The following ABI1 variants were observed in gnomAD, a reference collection of about 807,000 sequenced individuals.
ABI1 encodes Abelson interactor 1.
ABI1 carries 14 observed loss-of-function variants against 54.6 expected under a neutral mutation model. That is an observed-to-expected ratio of 0.26 (90% confidence interval 0.17 to 0.40). The LOEUF (loss-of-function observed/expected upper bound fraction) is 0.40, where lower values mean the gene tolerates loss of function less well. Ranked by LOEUF, ABI1 falls within the 10% of genes least tolerant of loss-of-function variation. The pLI is 1.00. For synonymous variants in ABI1, 194 were observed against 209.3 expected (o/e 0.93, Z 0.63); for missense variants, 443 against 598.3 (o/e 0.74, Z 2.71).
chr10:26,820,423 C>T (rs2047894290), intron 2 of ABI1, among the ~76,000 whole-genome samples: 1 of 151,948 alleles, frequency 6.6e-6, no homozygotes, highest in East Asian at 1.9e-4. Flanking sequence ...GAAAAATCAA[C>T]AGCAGAAATA....
intron 3 of ABI1, chr10:26,776,496 C>T (rs1042583281): frequency 1.3e-5 from 2 of 152,302 alleles, no homozygotes; most frequent in African/African-American, 4.8e-5. Context: ...TGACACACTA[C>T]AGGTATCCTT....
chr10:26,778,368 T>A (rs1841688093), intron 2 of ABI1, among the ~76,000 whole-genome samples: 1 of 152,054 alleles, frequency 6.6e-6, no homozygotes, highest in Non-Finnish European at 1.5e-5. Flanking sequence ...ACCTCTGCAT[T>A]TTAAGAAGAT....
chr10:26,845,672 TACC>T (rs1331816497), intron 1 of ABI1, among the ~76,000 whole-genome samples: 5 of 152,158 alleles, frequency 3.3e-5, no homozygotes, highest in African/African-American at 1.2e-4. Flanking sequence ...ATAGACATCA[TACC>T]ACCACATCAT....
rs182439596 is a variant in ABI1, at chr10:26,775,677, A to G, written c.462+1388T>C. Among the ~76,000 whole-genome samples the G allele has an allele frequency of 3.4e-3, 511 of 152,314 alleles. 5 individuals are homozygous for G. The highest frequency in any genetic ancestry group is 0.012 in the African/African-American group (479 of 41,574). ...CTTGTAAAATTTGGATTCATCTTAT[A>G]CTCAGCTAAGTACTATGTTTTGAAA... On this transcript the variant is annotated intron_variant, in intron 3 of 10. Transcript: ENST00000376140.
chr10:26,772,148 T>A (rs1840771883), intron 3 of ABI1, among the ~76,000 whole-genome samples: 1 of 152,090 alleles, frequency 6.6e-6, no homozygotes, highest in Non-Finnish European at 1.5e-5. Flanking sequence ...TTGGTACACT[T>A]CAATATTTGT....
At chr10:26,852,123 C>T (rs1160930367) in intron 1 of ABI1, among the ~76,000 whole-genome samples, 1 of 151,938 alleles carries the variant, frequency 6.6e-6, no homozygotes, top group South Asian at 2.1e-4. Flanking sequence ...GAGACCCCAA[C>T]CCTCATAAAA....
At chr10:26,771,501 T>C (rs1017369006) in intron 3 of ABI1, among the ~76,000 whole-genome samples, 1 of 152,188 alleles carries the variant, frequency 6.6e-6, no homozygotes, top group Non-Finnish European at 1.5e-5. Context: ...TACTGGATAA[T>C]GAATGTCCAA....
chr10:26,787,878 A>AC (rs1842902584), intron 2 of ABI1, among the ~76,000 whole-genome samples: 1 of 151,618 alleles, frequency 6.6e-6, no homozygotes, highest in Non-Finnish European at 1.5e-5. Flanking sequence ...AAAAAAAAAA[A>AC]GCGTGCAATC....
At chr10:26,838,431 G>T (rs916548104) in intron 1 of ABI1, among the ~76,000 whole-genome samples, 3 of 152,162 alleles carry the variant, frequency 2.0e-5, no homozygotes, top group African/African-American at 7.2e-5. Context: ...AGAGGACAGG[G>T]TTCCAAGCAG....
chr10:26,822,884 T>C (rs575110466), intron 2 of ABI1, among the ~76,000 whole-genome samples: 6 of 152,352 alleles, frequency 3.9e-5, no homozygotes, highest in Admixed American at 3.9e-4. Flanking sequence ...GTGACAGTTG[T>C]ACAATGTGAA....
chr10:26,807,327 T>C (rs778737921), intron 2 of ABI1, among the ~76,000 whole-genome samples: 25 of 151,970 alleles, frequency 1.6e-4, no homozygotes, highest in Non-Finnish European at 2.5e-4. Flanking sequence ...TACGAAAAAT[T>C]AGCCAGGTGT....
intron 7 of ABI1, among the ~76,000 whole-genome samples, chr10:26,763,326 T>C (rs1839475670): frequency 1.3e-5 from 2 of 152,230 alleles, no homozygotes. Flanking sequence ...TTAAAATTCC[T>C]TATATGCTCA....
intron 1 of ABI1, among the ~76,000 whole-genome samples, chr10:26,854,626 TA>T (rs2050671104): frequency 6.6e-6 from 1 of 152,212 alleles, no homozygotes; most frequent in Non-Finnish European, 1.5e-5. Flanking sequence ...AACCTTCTGT[TA>T]AATACATTTA....
At chr10:26,829,483 A>G (rs1052801299) in intron 1 of ABI1, among the ~76,000 whole-genome samples, 3 of 152,206 alleles carry the variant, frequency 2.0e-5, no homozygotes, top group Non-Finnish European at 2.9e-5. Flanking sequence ...CTCACCACAA[A>G]AAGAAACTTT....
At chr10:26,759,780 T>G (rs1181146515) in intron 7 of ABI1, among the ~76,000 whole-genome samples, 1 of 152,040 alleles carries the variant, frequency 6.6e-6, no homozygotes, top group Non-Finnish European at 1.5e-5. Context: ...TTTACTAATA[T>G]TTTTGAGTTT....
At chr10:26,779,121 A>G (rs1249361870) in intron 2 of ABI1, among the ~76,000 whole-genome samples, 1 of 152,222 alleles carries the variant, frequency 6.6e-6, no homozygotes. Flanking sequence ...ATAATTTTCT[A>G]TAGTTTTGGC....
intron 1 of ABI1, among the ~76,000 whole-genome samples, chr10:26,844,873 A>G (rs1474249689): frequency 2.0e-5 from 3 of 152,172 alleles, no homozygotes; most frequent in Non-Finnish European, 4.4e-5. Context: ...ATCTCAATTC[A>G]TGAAATACTC....
chr10:26,828,042 G>A (rs1010686727), intron 1 of ABI1, among the ~76,000 whole-genome samples: 5 of 152,150 alleles, frequency 3.3e-5, no homozygotes, highest in East Asian at 1.9e-4. Context: ...TGCCTTCCTC[G>A]CTAAGCTCCC....
chr10:26,839,756 G>A lies in ABI1; in HGVS notation c.118-16451C>T, dbSNP rs557090047. The A allele has an allele frequency of 7.6e-5, 53 of 700,986 alleles. No individual in the cohort carries two copies. In the South Asian group the frequency reaches 7.6e-4, roughly 10 times the overall value. 43.4% of individuals were successfully genotyped at this position (700,986 alleles called of 1,614,324 possible). A position where few individuals can be genotyped will look rare whatever the true frequency, so the allele number is the denominator to read the frequency against. ...ACCTGAGGCCAGGAGTTTGAGAGCA[G>A]ACACAGCAACACAGCAAAACCATGT... On this transcript the variant is annotated intron_variant, in intron 1 of 10. Transcript: ENST00000376140.
Sources: gnomAD v4.1 joint callset for allele counts (sites outside exome capture counted in the v4.1 genomes callset) on GRCh38, gnomAD v4.1.1 for gene constraint, MANE v1.5 for transcripts, NCBI Gene and HGNC (gene_info 2026-07-23, HGNC 2026-07-21) for gene names.